TSBP1: variants seen among roughly 807,000 people sequenced by gnomAD.
TSBP1 encodes the protein testis-expressed basic protein 1.
In TSBP1, 56 loss-of-function variants were observed where a neutral mutation model predicts 68.8. That is an observed-to-expected ratio of 0.81 (90% CI 0.66 to 1.02). TSBP1 has a LOEUF of 1.02. TSBP1 is among the 50% of genes least tolerant of loss of function. The pLI is 0.00. For missense variants in TSBP1, 502 were observed against 641.2 expected, an observed-to-expected ratio of 0.78 and a Z score of 2.34; for synonymous variants, 171 against 208.7, an observed-to-expected ratio of 0.82 and a Z score of 1.56.
intron 2 of TSBP1, among the ~76,000 whole-genome samples, chr6:32,369,373 A>ATTTTTTTTTTTTTTTTTTTTTTTTT (rs9281761): frequency 3.1e-5 from 4 of 127,006 alleles, no homozygotes; most frequent in East Asian, 4.6e-4. Flanking sequence ...AAACTCTGTG[A>ATTTTTTTTTTTTTTTTTTTTTTTTT]TTTTTTTTTT....
In TSBP1 at chr6:32,316,628, C is replaced by A. The variant is rs1310521768; in HGVS notation, c.560-836G>T. Among the ~76,000 whole-genome samples the A allele has an allele frequency of 6.6e-6, 1 of 152,064 alleles. No individual in the cohort carries two copies. Among genetic ancestry groups the A allele is most frequent in the African/African-American group, 2.4e-5 (1 of 41,374 alleles). On this transcript the variant is annotated intron_variant, in intron 18 of 22. Transcript: ENST00000612031. This position sits in a 1 kb window ranked among gnomAD's most constrained non-coding sequence, Gnocchi z 4.5. ...TTACAAAGGGGTTAGTGGAGTGATT[C>A]TAAGGATTAAATGGGATAATGTAAT...
chr6:32,343,467 T>C lies in TSBP1; in HGVS notation c.350-3829A>G, dbSNP rs781613670. Reference sequence around the variant, plus strand: ...CAGGAGTGAAAGTTTCAGGGGAATATTCAGCTTTACTATATTTCCAATATT... The same window carrying C: ...CAGGAGTGAAAGTTTCAGGGGAATACTCAGCTTTACTATATTTCCAATATT... On this transcript the variant is annotated intron_variant, in intron 9 of 22. Coordinates refer to ENST00000612031, the Ensembl canonical transcript of TSBP1. This position sits in a 1 kb window ranked among gnomAD's most constrained non-coding sequence, Gnocchi z 4.3. 6.6e-6 allele frequency among the ~76,000 whole-genome samples: 1 copy of C among 152,172 alleles called. No homozygotes were observed. Among genetic ancestry groups the C allele is most frequent in the African/African-American group, 2.4e-5 (1 of 41,442 alleles).
rs6903871 is a variant in TSBP1 at position 32,314,242 on chromosome 6, A to C, written c.580+1530T>G. ...GCCAGCCAAAAATGAGGTGTTATAA[A>C]CCCTAGTTACTTTGGCATTCCTTTT... On this transcript the variant is annotated intron_variant, in intron 19 of 22. Coordinates refer to ENST00000612031, the Ensembl canonical transcript of TSBP1. This position sits in a 1 kb window ranked among gnomAD's most constrained non-coding sequence, Gnocchi z 4.2. Among the ~76,000 whole-genome samples, 38,006 of 151,930 alleles carry C rather than the reference A, an allele frequency of 0.25. 5,117 individuals are homozygous for C. Among genetic ancestry groups the C allele is most frequent in the African/African-American group, 0.34 (13,875 of 41,384 alleles).
At chr6:32,332,994 C>G (rs1359551238) in intron 14 of TSBP1, among the ~76,000 whole-genome samples, 2 of 151,422 alleles carry the variant, frequency 1.3e-5, no homozygotes, top group African/African-American at 4.9e-5. Context: ...ATATCGAAAG[C>G]CTGTTATGTT....
Position 32,325,127 on chromosome 6 carries a change from G to T in TSBP1, c.515-1513C>A. 1 of 474,380 alleles carries T rather than the reference G, an allele frequency of 2.1e-6. No individual in the cohort carries two copies. Among genetic ancestry groups the T allele is most frequent in the South Asian group, 5.0e-5 (1 of 19,854 alleles). 29.4% of individuals were successfully genotyped at this position (474,380 alleles called of 1,614,324 possible). A position where few individuals can be genotyped will look rare whatever the true frequency, so the allele number is the denominator to read the frequency against. On this transcript the variant is annotated intron_variant, in intron 16 of 22. Transcript: ENST00000612031. This position sits in a 1 kb window ranked among gnomAD's most constrained non-coding sequence, Gnocchi z 4.4. Reference sequence around the variant, plus strand: ...TTATTTTTTATGCGAGTCAGTGAATGTTCTAGAAACTTATTAATAATTTAT... The same window carrying T: ...TTATTTTTTATGCGAGTCAGTGAATTTTCTAGAAACTTATTAATAATTTAT...
At chr6:32,330,459 A>C (rs1357294001) in intron 16 of TSBP1, 130 bp downstream of exon 17, 1 of 781,178 alleles carries the variant, frequency 1.3e-6, no homozygotes, top group Non-Finnish European at 2.0e-6. Context: ...AGGAAGCATA[A>C]AAACATGTGT....
In TSBP1 at chr6:32,340,231, A is replaced by T. The variant is rs754379470; in HGVS notation, c.350-593T>A. ...TAATCTCTGTTGCTTCTGTCTTGAG[A>T]AATAACCAATCATATTTTAAGATGT... On this transcript the variant is annotated intron_variant, in intron 9 of 22. Coordinates refer to ENST00000612031, the Ensembl canonical transcript of TSBP1. The surrounding 1 kb of genome is among the most constrained non-coding windows in gnomAD (Gnocchi z 4.8). Among the ~76,000 whole-genome samples, 12 of 152,172 alleles carry T rather than the reference A, an allele frequency of 7.9e-5. No individual in the cohort carries two copies. The highest frequency in any genetic ancestry group is 1.6e-4 in the Non-Finnish European group (11 of 68,026).
chr6:32,368,565 A>T (rs766521114), intron 3 of TSBP1, among the ~76,000 whole-genome samples: 1 of 152,162 alleles, frequency 6.6e-6, no homozygotes, highest in South Asian at 2.1e-4. Context: ...AGGCCTACCC[A>T]GTATTAATTA....
In TSBP1 at chr6:32,350,092, G is replaced by T. The variant is rs573739249; in HGVS notation, c.260-263C>A. 1.4e-4 allele frequency: 86 copies of T among 609,894 alleles called. 4 individuals carry two copies. The Admixed American group carries it at 1.6e-3, about 12-fold the overall frequency. The allele number at this position is 609,894 out of a possible 1,614,324, so 37.8% of individuals were successfully genotyped here. A position where few individuals can be genotyped will look rare whatever the true frequency, so the allele number is the denominator to read the frequency against. ...GTCTTCTTTCATTGGTGATTCTGCT[G>T]CTCTGTTCTTTCCTTCTCTACCTTT... On this transcript the variant is annotated intron_variant, in intron 8 of 22. Transcript: ENST00000612031.
intron 14 of TSBP1, among the ~76,000 whole-genome samples, chr6:32,334,771 C>T (rs1180330033): frequency 3.3e-5 from 5 of 152,282 alleles, no homozygotes; most frequent in Admixed American, 6.5e-5. Context: ...CAGTGGCTCA[C>T]GCCTGTAATC....
rs1325091993 is a variant in TSBP1, at chr6:32,302,560, C to A, written c.601+49G>T. On this transcript the variant is annotated intron_variant, in intron 20 of 22. Coordinates refer to ENST00000612031, the Ensembl canonical transcript of TSBP1. The surrounding 1 kb of genome is among the most constrained non-coding windows in gnomAD (Gnocchi z 5.1). ...AACATTTGTAGAAAAAATTTGCTCA[C>A]CCCAGCCCTACAAGAAACTAATGTA... 2 of 1,292,682 alleles carry A rather than the reference C, an allele frequency of 1.5e-6. No homozygotes were observed. The highest frequency in any genetic ancestry group is 4.7e-5 in the East Asian group (2 of 42,592). 80.1% of individuals were successfully genotyped at this position (1,292,682 alleles called of 1,614,324 possible).
Position 32,333,926 on chromosome 6 carries a change from TG to T in TSBP1, c.472+1510del. The stretch of plus-strand genomic sequence containing the variant: ...ATGGCTTTCCAGATCTGGATACCCT[TG>T]GCTATGAGCAGTAAACCAGTTACAC... On this transcript the variant is annotated intron_variant, in intron 14 of 22. Transcript: ENST00000612031. This position sits in a 1 kb window ranked among gnomAD's most constrained non-coding sequence, Gnocchi z 4.2. 1 of 210,746 alleles carries T rather than the reference TG, an allele frequency of 4.7e-6. No homozygotes were observed. The highest frequency in any genetic ancestry group is 1.0e-5 in the Non-Finnish European group (1 of 97,676). The allele number at this position is 210,746 out of a possible 1,614,324, so 13.1% of individuals were successfully genotyped here.
chr6:32,294,736 C>A (rs1764518778), intron 22 of TSBP1, among the ~76,000 whole-genome samples: 1 of 152,192 alleles, frequency 6.6e-6, no homozygotes, highest in African/African-American at 2.4e-5. Flanking sequence ...CTGTAGACTA[C>A]TTCTTGCAAT....
At chr6:32,366,811 T>C (rs1334934721) in intron 4 of TSBP1, among the ~76,000 whole-genome samples, 1 of 141,430 alleles carries the variant, frequency 7.1e-6, no homozygotes, top group Non-Finnish European at 1.6e-5. Context: ...TCAATCCAAC[T>C]ACTAAAAGAT....
Position 32,310,761 on chromosome 6 carries a change from A to ATATATATATATTTTT in TSBP1, c.580+5010_580+5011insAAAAATATATATATA. ...TATATATACATATATATATATATAT[A>ATATATATATATTTTT]TTTTTAATCTTTTTAGAAAGGATAG... On this transcript the variant is annotated intron_variant, in intron 19 of 22. Coordinates refer to ENST00000612031, the Ensembl canonical transcript of TSBP1. Among the ~76,000 whole-genome samples, 1,289 of 144,790 alleles carry ATATATATATATTTTT rather than the reference A, an allele frequency of 8.9e-3. 13 individuals are homozygous for ATATATATATATTTTT. Among genetic ancestry groups the ATATATATATATTTTT allele is most frequent in the South Asian group, 0.031 (140 of 4,550 alleles). 95.0% of individuals were successfully genotyped at this position (144,790 alleles called of 152,430 possible).
chr6:32,357,356 A>G lies in TSBP1; in HGVS notation c.218-1687T>C, dbSNP rs1772465072. ...AATTAAGATATTACTAAATTACATA[A>G]GAATAAACTCTCTGACTGCCTAAAA... On this transcript the variant is annotated intron_variant, in intron 6 of 22. Transcript: ENST00000612031. This position sits in a 1 kb window ranked among gnomAD's most constrained non-coding sequence, Gnocchi z 4.7. Among the ~76,000 whole-genome samples the G allele has an allele frequency of 6.6e-6, 1 of 152,204 alleles. No homozygotes were observed. Among genetic ancestry groups the G allele is most frequent in the South Asian group, 2.1e-4 (1 of 4,836 alleles).
At chr6:32,369,852 C>A in intron 2 of TSBP1, 45 bp downstream of exon 2, 1 of 1,186,410 alleles carries the variant, frequency 8.4e-7, no homozygotes, top group Non-Finnish European at 1.3e-6. Flanking sequence ...TCCCTCCCTC[C>A]GTGGTTTTCA....
Position 32,338,953 on chromosome 6 carries a change from A to G in TSBP1, c.409+26T>C. ...AGTTTAGTAAAGCAAAGCACATGAG[A>G]ATTAAAGGGCAGAAAAAGAACTTAC... On this transcript the variant is annotated intron_variant, in intron 11 of 22. Coordinates refer to ENST00000612031, the Ensembl canonical transcript of TSBP1. This position sits in a 1 kb window ranked among gnomAD's most constrained non-coding sequence, Gnocchi z 5.5. 1 of 1,587,264 alleles carries G rather than the reference A, an allele frequency of 6.3e-7. No homozygotes were observed. The highest frequency in any genetic ancestry group is 8.6e-7 in the Non-Finnish European group (1 of 1,156,500).
At position 32,315,515 on chromosome 6, in the gene TSBP1, T is replaced by C. The variant is rs1766856555; in HGVS notation, c.580+257A>G. Reference sequence around the variant, plus strand: ...AGGTGGAGGTTGCAGTGAGCCTAGATCACGCCACTGCACTCCAGCCTGTGT... The same window carrying C: ...AGGTGGAGGTTGCAGTGAGCCTAGACCACGCCACTGCACTCCAGCCTGTGT... On this transcript the variant is annotated intron_variant, in intron 19 of 22. Coordinates refer to ENST00000612031, the Ensembl canonical transcript of TSBP1. This position sits in a 1 kb window ranked among gnomAD's most constrained non-coding sequence, Gnocchi z 5.4. Among the ~76,000 whole-genome samples the C allele has an allele frequency of 6.6e-6, 1 of 152,092 alleles. No individual in the cohort carries two copies. Among genetic ancestry groups the C allele is most frequent in the Admixed American group, 6.5e-5 (1 of 15,274 alleles).
Sources: allele counts gnomAD v4.1 joint callset (sites outside exome capture counted in the v4.1 genomes callset), GRCh38; gene constraint gnomAD v4.1.1; non-coding constraint Gnocchi (gnomAD v3.1); transcripts MANE v1.5; gene names NCBI Gene and HGNC (gene_info 2026-07-23, HGNC 2026-07-21).